The following GPC3 variants were observed in gnomAD, a reference collection of about 807,000 sequenced individuals.
The protein encoded by GPC3 is glypican-3.
GPC3 carries 3 observed loss-of-function variants against 34.4 expected under a neutral mutation model. That is an observed-to-expected ratio of 0.09 (90% CI 0.04 to 0.23). The LOEUF is 0.23. Ranked by LOEUF, GPC3 falls within the 10% of genes least tolerant of loss-of-function variation. The pLI is 1.00. For synonymous variants in GPC3, 177 were observed against 174.0 expected, an observed-to-expected ratio of 1.02 and a Z score of -0.13; for missense variants, 351 against 445.6, an observed-to-expected ratio of 0.79 and a Z score of 1.91.
intron 6 of GPC3, among the ~76,000 whole-genome samples, chrX:133,607,170 A>C (rs2070059250): frequency 9.0e-6 from 1 of 110,788 alleles, no homozygotes; most frequent in Non-Finnish European, 1.9e-5. Flanking sequence ...AGGAAATGAG[A>C]GTCGAGAGAG....
chrX:133,626,440 C>G (rs1487404145), intron 6 of GPC3, among the ~76,000 whole-genome samples: 1 of 110,667 alleles, frequency 9.0e-6, no homozygotes, highest in African/African-American at 3.3e-5. Flanking sequence ...TATCCAGAAT[C>G]TACAAGGAAC....
intron 3 of GPC3, among the ~76,000 whole-genome samples, chrX:133,736,440 C>CTATGTT (rs2071512176): frequency 8.9e-6 from 1 of 112,112 alleles, no homozygotes; most frequent in Non-Finnish European, 1.9e-5. Context: ...TTCATAGCAA[C>CTATGTT]ACTATTCATA....
chrX:133,553,030 A>G (rs2069449896), intron 7 of GPC3, among the ~76,000 whole-genome samples: 1 of 112,346 alleles, frequency 8.9e-6, no homozygotes, highest in African/African-American at 3.2e-5. Flanking sequence ...AAGCAGGACT[A>G]TAATAAGCAG....
intron 6 of GPC3, among the ~76,000 whole-genome samples, chrX:133,633,249 C>T (rs1329493894): frequency 8.9e-6 from 1 of 111,751 alleles, no homozygotes; most frequent in African/African-American, 3.3e-5. Context: ...TGATTTGTAC[C>T]TAAAATAATC....
intron 2 of GPC3, among the ~76,000 whole-genome samples, chrX:133,791,093 G>T (rs1023242457): frequency 1.8e-5 from 2 of 111,763 alleles, no homozygotes; most frequent in Admixed American, 9.5e-5. Context: ...GAATAAAAGA[G>T]ACCTTCTCAC....
chrX:133,888,800 A>G (rs1207821912), intron 2 of GPC3, among the ~76,000 whole-genome samples: 1 of 112,423 alleles, frequency 8.9e-6, no homozygotes, highest in Non-Finnish European at 1.9e-5. Context: ...GGAACTATAC[A>G]TGTTCATGTT....
intron 2 of GPC3, among the ~76,000 whole-genome samples, chrX:133,841,081 T>TG (rs200028628): frequency 0.096 from 10,506 of 108,916 alleles, 933 homozygotes; most frequent in African/African-American, 0.27. Context: ...TTTGAGAAAG[T>TG]TCTTGTTCTG....
At chrX:133,676,513 G>T (rs773190254) in intron 5 of GPC3, among the ~76,000 whole-genome samples, 1 of 112,143 alleles carries the variant, frequency 8.9e-6, no homozygotes, top group South Asian at 3.8e-4. Context: ...AACAAAGGGG[G>T]AGAAAAGGTG....
chrX:133,900,554 C>T (rs1051926219), intron 2 of GPC3, among the ~76,000 whole-genome samples: 1 of 111,279 alleles, frequency 9.0e-6, no homozygotes, highest in African/African-American at 3.3e-5. Flanking sequence ...AAGGGTTCAT[C>T]TTCTTTAACT....
intron 2 of GPC3, among the ~76,000 whole-genome samples, chrX:133,886,189 C>T (rs971299483): frequency 2.7e-5 from 3 of 110,397 alleles, no homozygotes; most frequent in Non-Finnish European, 5.7e-5. Flanking sequence ...GAGGCTCAGA[C>T]AGTCTCAATC....
intron 2 of GPC3, among the ~76,000 whole-genome samples, chrX:133,824,296 T>C (rs2075735570): frequency 9.0e-6 from 1 of 111,323 alleles, no homozygotes; most frequent in Non-Finnish European, 1.9e-5. Context: ...AGGGTGTCTA[T>C]AAGAGATCTA....
At chrX:133,907,239 T>A (rs1206230860) in intron 2 of GPC3, among the ~76,000 whole-genome samples, 1 of 112,090 alleles carries the variant, frequency 8.9e-6, no homozygotes, top group African/African-American at 3.2e-5. Flanking sequence ...ACTTTAGAAT[T>A]AAAATCAATT....
At chrX:133,773,643 A>T (rs1227477309) in intron 2 of GPC3, among the ~76,000 whole-genome samples, 1 of 111,715 alleles carries the variant, frequency 9.0e-6, no homozygotes, top group Non-Finnish European at 1.9e-5. Flanking sequence ...GTGAACATAA[A>T]AGAGCAGAGT....
At chrX:133,882,141 G>T (rs1223657512) in intron 2 of GPC3, among the ~76,000 whole-genome samples, 1 of 111,459 alleles carries the variant, frequency 9.0e-6, no homozygotes, top group Non-Finnish European at 1.9e-5. Flanking sequence ...TTCAAATGAG[G>T]GTCTTCCCCT....
At chrX:133,760,889 C>T (rs2071782247) in intron 2 of GPC3, among the ~76,000 whole-genome samples, 1 of 111,240 alleles carries the variant, frequency 9.0e-6, no homozygotes, top group Non-Finnish European at 1.9e-5. Flanking sequence ...AGAGGGAGTA[C>T]ACAGAAACTC....
In GPC3 at chrX:133,697,399, A is replaced by G. The variant is rs191345328; in HGVS notation, c.1166+2496T>C. ...TAAAGACTTGCCCATACTTTTTCTC[A>G]TAGTGTTCCCTTTGCCCAGAACGCC... On this transcript the variant is annotated intron_variant, in intron 4 of 7. Transcript: ENST00000370818. 3.8e-3 allele frequency among the ~76,000 whole-genome samples: 424 copies of G among 111,392 alleles called. 1 individual carries two copies. Among genetic ancestry groups the G allele is most frequent in the Non-Finnish European group, 5.6e-3 (299 of 53,104 alleles).
chrX:133,779,994 C>A (rs2072029081), intron 2 of GPC3, among the ~76,000 whole-genome samples: 1 of 111,613 alleles, frequency 9.0e-6, no homozygotes, highest in Non-Finnish European at 1.9e-5. Context: ...TTGCACATGG[C>A]ACCTTTCTAT....
At position 133,868,118 on chromosome X, in the gene GPC3, G is replaced by A. The variant is rs531927322; in HGVS notation, c.337+84932C>T. 4.5e-5 allele frequency among the ~76,000 whole-genome samples: 5 copies of A among 111,766 alleles called. No homozygotes were observed. The South Asian group carries it at 1.1e-3, about 25-fold the overall frequency. Reference sequence around the variant, plus strand: ...ACTGGCCCTCTGTCTTTGCAAAAACGCGGAAGGTCCACTGAGCTGGTTAAC... The same window carrying A: ...ACTGGCCCTCTGTCTTTGCAAAAACACGGAAGGTCCACTGAGCTGGTTAAC... On this transcript the variant is annotated intron_variant, in intron 2 of 7. Coordinates refer to ENST00000370818, the MANE Select transcript of GPC3 (RefSeq NM_004484.4).
At chrX:133,685,952 CCTGGAGCTGACAT>C (rs1330940067) in intron 5 of GPC3, among the ~76,000 whole-genome samples, 3 of 110,675 alleles carry the variant, frequency 2.7e-5, no homozygotes, top group Non-Finnish European at 5.7e-5. Flanking sequence ...ACAGCAATAT[CCTGGAGCTGACAT>C]CTGGAGCTAG....
Sources: allele counts gnomAD v4.1 joint callset (sites outside exome capture counted in the v4.1 genomes callset), GRCh38; gene constraint gnomAD v4.1.1; transcripts MANE v1.5; gene names NCBI Gene and HGNC (gene_info 2026-07-23, HGNC 2026-07-21).